VPS45: variants seen among roughly 807,000 people sequenced by gnomAD.
VPS45 encodes the protein vacuolar protein sorting-associated protein 45.
In VPS45, 35 loss-of-function variants were observed where a neutral mutation model predicts 75.9. The ratio of observed to expected loss-of-function variants is 0.46; its 90% CI spans 0.35 to 0.61. The LOEUF is 0.61. VPS45 is among the 20% of genes least tolerant of loss of function. The pLI, the probability that VPS45 is intolerant of heterozygous loss-of-function variation, is 0.00. For missense variants in VPS45, 559 were observed against 685.9 expected, an observed-to-expected ratio of 0.81 and a Z score of 2.07; for synonymous variants, 220 against 238.2, an observed-to-expected ratio of 0.92 and a Z score of 0.70.
intron 14 of VPS45, among the ~76,000 whole-genome samples, chr1:150,141,311 G>A (rs2101665252): frequency 6.6e-6 from 1 of 152,098 alleles, no homozygotes; most frequent in South Asian, 2.1e-4. Flanking sequence ...TCCCCTTGGT[G>A]TCTTTGGTAT....
chr1:150,145,022 A>G lies in VPS45; in HGVS notation c.*226A>G, dbSNP rs1225924526. 2.7e-5 allele frequency: 31 copies of G among 1,141,644 alleles called. No homozygotes were observed. The highest frequency in any genetic ancestry group is 3.7e-5 in the Non-Finnish European group (30 of 815,390). 70.7% of individuals were successfully genotyped at this position (1,141,644 alleles called of 1,614,324 possible). On this transcript the variant is annotated 3_prime_UTR_variant, in exon 15 of 15. Transcript: ENST00000644510. ...CACTTTTCTCCGGTAGTCTTTATGTATCTGTTAGCACAATCACTTCAGTTA... is the reference window on the plus strand; with the variant it reads ...CACTTTTCTCCGGTAGTCTTTATGTGTCTGTTAGCACAATCACTTCAGTTA...
intron 14 of VPS45, among the ~76,000 whole-genome samples, chr1:150,134,440 T>G (rs1476300776): frequency 6.6e-6 from 1 of 152,214 alleles, no homozygotes; most frequent in African/African-American, 2.4e-5. Flanking sequence ...CGCTTGAGCC[T>G]TTCACCTAAC....
chr1:150,123,651 T>C (rs1286535630), intron 14 of VPS45, among the ~76,000 whole-genome samples: 1 of 152,062 alleles, frequency 6.6e-6, no homozygotes, highest in Non-Finnish European at 1.5e-5. Flanking sequence ...TATTAAAGAG[T>C]TCTAGTCCCT....
chr1:150,121,059 G>T (rs782697148), intron 14 of VPS45, among the ~76,000 whole-genome samples: 10 of 151,860 alleles, frequency 6.6e-5, no homozygotes, highest in Middle Eastern at 6.8e-3. Context: ...AGTAGAGATG[G>T]GGTTTCACTG....
intron 14 of VPS45, among the ~76,000 whole-genome samples, chr1:150,123,471 A>C (rs993881137): frequency 5.3e-5 from 8 of 152,172 alleles, no homozygotes. Context: ...TAAAAATGCA[A>C]ATTTCTAGAT....
In VPS45 at chr1:150,114,433, A is replaced by C. The variant is rs1657810716; in HGVS notation, c.1625+3806A>C. ...CAGTGAGCCAAGATCGAGTCACTGC[A>C]CTCCAGCCTGGGCAACAGAGCAAAA... On this transcript the variant is annotated intron_variant, in intron 14 of 14. Coordinates refer to ENST00000644510, the MANE Select transcript of VPS45 (RefSeq NM_007259.5). Among the ~76,000 whole-genome samples, 3 of 148,410 alleles carry C rather than the reference A, an allele frequency of 2.0e-5. No homozygotes were observed. In the South Asian group the frequency reaches 6.4e-4, roughly 32 times the overall value.
intron 14 of VPS45, among the ~76,000 whole-genome samples, chr1:150,137,251 G>A (rs1559947497): frequency 6.6e-6 from 1 of 152,140 alleles, no homozygotes; most frequent in Non-Finnish European, 1.5e-5. Context: ...TGATAAAACT[G>A]CTGTTGGATA....
At chr1:150,095,081 G>A (rs1656545081) in intron 13 of VPS45, among the ~76,000 whole-genome samples, 2 of 152,204 alleles carry the variant, frequency 1.3e-5, no homozygotes, top group Non-Finnish European at 2.9e-5. Context: ...TATGTTAAGA[G>A]CTGTTGTAGA....
chr1:150,142,852 T>C (rs1659464670), intron 14 of VPS45: 1 of 451,204 alleles, frequency 2.2e-6, no homozygotes, highest in African/African-American at 2.0e-5. Flanking sequence ...GGGGTTTCAC[T>C]ATGTTCCCCT....
At chr1:150,143,587 C>A (rs1204940391) in intron 14 of VPS45, among the ~76,000 whole-genome samples, 93 of 143,924 alleles carry the variant, frequency 6.5e-4, no homozygotes, top group Non-Finnish European at 7.4e-4. Flanking sequence ...GACTCCGTCT[C>A]AAAAAAAAAA....
intron 13 of VPS45, chr1:150,109,966 T>A (rs1249195138): frequency 6.6e-6 from 1 of 152,226 alleles, no homozygotes; most frequent in Non-Finnish European, 1.5e-5. Context: ...TTCTTTTTTT[T>A]ATACTCAAAA....
intron 3 of VPS45, among the ~76,000 whole-genome samples, chr1:150,072,941 C>T (rs1655165498): frequency 6.6e-6 from 1 of 151,964 alleles, no homozygotes; most frequent in African/African-American, 2.4e-5. Flanking sequence ...CAGAAATTTA[C>T]TTTACATACC....
chr1:150,135,029 G>A (rs1474013363), intron 14 of VPS45, among the ~76,000 whole-genome samples: 3 of 152,104 alleles, frequency 2.0e-5, no homozygotes, highest in African/African-American at 7.2e-5. Flanking sequence ...CAGTGGAGGA[G>A]TCAAACAAAT....
At chr1:150,090,104 T>C (rs1380475579) in intron 10 of VPS45, among the ~76,000 whole-genome samples, 1 of 152,242 alleles carries the variant, frequency 6.6e-6, no homozygotes, top group Non-Finnish European at 1.5e-5. Context: ...ATTTTGTAAG[T>C]TGTAAAGTAA....
chr1:150,139,201 A>G, intron 14 of VPS45, among the ~76,000 whole-genome samples: 1 of 152,184 alleles, frequency 6.6e-6, no homozygotes. Flanking sequence ...TACCCAAAGT[A>G]AAAACCAAAA....
chr1:150,111,713 C>T (rs1226570937), intron 14 of VPS45, among the ~76,000 whole-genome samples: 4 of 152,118 alleles, frequency 2.6e-5, no homozygotes, highest in Non-Finnish European at 5.9e-5. Context: ...TTTAATATAA[C>T]TTTTCTCCTT....
intron 13 of VPS45, among the ~76,000 whole-genome samples, chr1:150,103,237 C>T (rs1019570517): frequency 5.9e-5 from 9 of 152,058 alleles, no homozygotes; most frequent in Non-Finnish European, 8.8e-5. Flanking sequence ...CTTGTGTATT[C>T]CACTTAGCTT....
At position 150,068,018 on chromosome 1, in the gene VPS45, AC is replaced by A; in HGVS notation, c.93+69del. Reference sequence around the variant, plus strand: ...ACCTTACAATTGCTCGTCCCATTCCACTGTAGGACTTAGCATTTAATTAAAC... The same window carrying A: ...ACCTTACAATTGCTCGTCCCATTCCATGTAGGACTTAGCATTTAATTAAAC... On this transcript the variant is annotated intron_variant, in intron 1 of 14. Transcript: ENST00000644510. 3 of 1,441,714 alleles carry A rather than the reference AC, an allele frequency of 2.1e-6. No homozygotes were observed. In the East Asian group the frequency reaches 6.8e-5, roughly 33 times the overall value. 89.3% of individuals were successfully genotyped at this position (1,441,714 alleles called of 1,614,324 possible).
intron 12 of VPS45, 99 bp from the exon 13 acceptor site, chr1:150,093,428 T>C: frequency 7.7e-7 from 1 of 1,304,744 alleles, no homozygotes; most frequent in Non-Finnish European, 1.0e-6. Context: ...TCCCATGAAA[T>C]CTCTATTGAG....
Sources: gnomAD v4.1 joint callset for allele counts (sites outside exome capture counted in the v4.1 genomes callset) on GRCh38, gnomAD v4.1.1 for gene constraint, MANE v1.5 for transcripts, NCBI Gene and HGNC (gene_info 2026-07-23, HGNC 2026-07-21) for gene names.